P2RX5: variants seen among roughly 807,000 people sequenced by gnomAD.
P2RX5 encodes purinergic receptor P2X 5.
P2RX5 carries 46 observed loss-of-function variants against 54.1 expected under a neutral mutation model. That is an observed-to-expected ratio of 0.85 (90% CI 0.67 to 1.09). The LOEUF (loss-of-function observed/expected upper bound fraction) is 1.09, where lower values mean the gene tolerates loss of function less well. Among genes scored for constraint, P2RX5 ranks in the 50% least tolerant of loss-of-function variants. P2RX5 has a pLI of 0.00. For missense variants in P2RX5, 566 were observed against 549.8 expected (o/e 1.03, Z -0.29); for synonymous variants, 226 against 226.4 (o/e 1.00, Z 0.02).
the P2RX5 span, among the ~76,000 whole-genome samples, chr17:3,721,260 C>CTTTTTTTTTT: frequency 2.2e-5 from 1 of 46,200 alleles, no homozygotes; most frequent in Non-Finnish European, 3.6e-5. Context: ...GAGATTTTTC[C>CTTTTTTTTTT]TTTTTTTTTT....
At chr17:3,704,656 A>G in the P2RX5 span, among the ~76,000 whole-genome samples, 1 of 152,208 alleles carries the variant, frequency 6.6e-6, no homozygotes, top group African/African-American at 2.4e-5. Flanking sequence ...TTCCACTGAG[A>G]CAGTAAACAC....
chr17:3,684,339 C>T (rs1302992811), intron 9 of P2RX5, among the ~76,000 whole-genome samples: 1 of 152,266 alleles, frequency 6.6e-6, no homozygotes, highest in Admixed American at 6.5e-5. Flanking sequence ...CGCGGTGGCT[C>T]ACGCCCATAA....
At chr17:3,723,253 G>T in the P2RX5 span, 2 of 1,370,502 alleles carry the variant, frequency 1.5e-6, no homozygotes, top group Non-Finnish European at 2.1e-6. Flanking sequence ...TGAGCAACTG[G>T]ATAATCAAAT....
rs2050185283 is a variant in P2RX5 at position 3,679,697 on chromosome 17, C to T, written c.1152G>A (p.Leu384=). ...GCAGCTCCTGCTGCTCCGGCATCCC[C>T]AGCAGCCCTGGCCCAGATGTGAGCT... is the stretch of plus-strand genomic sequence containing the variant. The part of the protein sequence containing the change: ...SEQLTSGPGL[L]GMPEQQELQE... Residue 384 remains leucine, a synonymous_variant, in exon 11 of 12, where the codon CTG becomes CTA. Coordinates refer to ENST00000225328, the MANE Select transcript of P2RX5 (RefSeq NM_002561.4). 5.6e-6 allele frequency: 9 copies of T among 1,612,250 alleles called. No homozygotes were observed. Among genetic ancestry groups the T allele is most frequent in the Non-Finnish European group, 7.6e-6 (9 of 1,179,808 alleles).
At chr17:3,717,085 T>C in the P2RX5 span, 4 of 309,078 alleles carry the variant, frequency 1.3e-5, no homozygotes, top group South Asian at 1.0e-4. Flanking sequence ...CTCTGACAGC[T>C]TGAAAGAGGG....
At chr17:3,693,087 C>T (rs1316937483) in intron 1 of P2RX5, among the ~76,000 whole-genome samples, 5 of 125,060 alleles carry the variant, frequency 4.0e-5, no homozygotes, top group Admixed American at 8.8e-5. Flanking sequence ...GCCAAATAAT[C>T]CAATTTAAAA....
In P2RX5 at chr17:3,688,714, T is replaced by C. The variant is rs1367578587; in HGVS notation, c.799A>G (p.Lys267Glu). ...INIEWNCDLD[K>E]AASECHPHYS... The stretch of plus-strand genomic sequence containing the variant: ...TGAGGGTGGCACTCAGAGGCAGCTT[T>C]ATCAAGATCACAGTTCCATTCAATA... Residue 267 changes from lysine (K) to glutamate (E), a missense_variant, in exon 8 of 12, where the codon AAA becomes GAA. Coordinates refer to ENST00000225328, the MANE Select transcript of P2RX5 (RefSeq NM_002561.4). The C allele has an allele frequency of 6.2e-7, 1 of 1,613,748 alleles. No homozygotes were observed. The highest frequency in any genetic ancestry group is 1.3e-5 in the African/African-American group (1 of 74,934).
upstream of P2RX5, among the ~76,000 whole-genome samples, chr17:3,700,303 G>A (rs1347377901): frequency 6.6e-6 from 1 of 152,140 alleles, no homozygotes; most frequent in East Asian, 1.9e-4. Context: ...AGGAGGCCGA[G>A]GCAGGCAGAT....
At chr17:3,722,749 A>G in the P2RX5 span, among the ~76,000 whole-genome samples, 1 of 152,244 alleles carries the variant, frequency 6.6e-6, no homozygotes, top group African/African-American at 2.4e-5. Context: ...TCTGGCCATG[A>G]AAAAAGTATG....
rs534631748 is a variant in P2RX5, at chr17:3,691,760, C to T, written c.172G>A (p.Val58Ile). The stretch of plus-strand genomic sequence containing the variant: ...ACAGCACTCTGCAGGGAGGTGTCGA[C>T]GTCTTGGTAACCCTTCTTTATCAGG... Reference protein sequence around the residue: ...VFLIKKGYQDVDTSLQSAVIT... With the variant: ...VFLIKKGYQDIDTSLQSAVIT... The change falls in exon 2 of 12, where the codon GTC becomes ATC. Residue 58 changes from valine (V) to isoleucine (I), a missense_variant. Coordinates refer to ENST00000225328, the MANE Select transcript of P2RX5 (RefSeq NM_002561.4). 39 of 1,614,218 alleles carry T rather than the reference C, an allele frequency of 2.4e-5. No homozygotes were observed. Among genetic ancestry groups the T allele is most frequent in the Admixed American group, 1.5e-4 (9 of 60,030 alleles).
chr17:3,700,390 G>A (rs138947164), upstream of P2RX5, among the ~76,000 whole-genome samples: 98 of 150,916 alleles, frequency 6.5e-4, no homozygotes, highest in African/African-American at 2.1e-3. Context: ...AAAATTAGCC[G>A]GGCCTGGTGG....
At chr17:3,699,995 AG>A (rs1435319469), upstream of P2RX5, among the ~76,000 whole-genome samples, 1 of 151,798 alleles carries the variant, frequency 6.6e-6, no homozygotes, top group African/African-American at 2.4e-5. Context: ...TATTTAAGGA[AG>A]TATTGGTGTT....
At chr17:3,696,268 T>G, upstream of P2RX5, 1 of 257,688 alleles carries the variant, frequency 3.9e-6, no homozygotes, top group Non-Finnish European at 7.2e-6. Flanking sequence ...CTACCTCTTC[T>G]TCCTCCTCCT....
chr17:3,714,392 T>A, the P2RX5 span, among the ~76,000 whole-genome samples: 2 of 151,614 alleles, frequency 1.3e-5, no homozygotes, highest in Non-Finnish European at 2.9e-5. Context: ...CATGCCCAGC[T>A]AATTTTTGTA....
chr17:3,718,708 T>C, the P2RX5 span, among the ~76,000 whole-genome samples: 1 of 152,194 alleles, frequency 6.6e-6, no homozygotes, highest in Non-Finnish European at 1.5e-5. Flanking sequence ...GGGGGAAACA[T>C]ACAAATTTAA....
chr17:3,702,572 G>GT, the P2RX5 span, among the ~76,000 whole-genome samples: 2 of 152,156 alleles, frequency 1.3e-5, no homozygotes, highest in Non-Finnish European at 2.9e-5. Flanking sequence ...TTGATAAGCT[G>GT]TAACACTCAC....
intron 6 of P2RX5, 81 bp downstream of exon 6, chr17:3,689,989 G>T: frequency 8.0e-7 from 1 of 1,243,582 alleles, no homozygotes; most frequent in Non-Finnish European, 1.2e-6. Flanking sequence ...CACACCCCCA[G>T]GCAGAGACCC....
the P2RX5 span, among the ~76,000 whole-genome samples, chr17:3,716,176 A>G: frequency 3.3e-5 from 5 of 151,258 alleles, no homozygotes; most frequent in Non-Finnish European, 7.4e-5. Flanking sequence ...GTCTCAAAAA[A>G]AAAAAAGAAA....
At chr17:3,684,428 A>T (rs1033894336) in intron 9 of P2RX5, among the ~76,000 whole-genome samples, 18 of 152,198 alleles carry the variant, frequency 1.2e-4, no homozygotes, top group Non-Finnish European at 2.2e-4. Context: ...ACATAGTGAG[A>T]CCCCATTTCT....
Sources: allele counts gnomAD v4.1 joint callset (sites outside exome capture counted in the v4.1 genomes callset), GRCh38; gene constraint gnomAD v4.1.1; transcripts MANE v1.5; gene names NCBI Gene and HGNC (gene_info 2026-07-23, HGNC 2026-07-21).